The following DHX33 variants were observed in gnomAD, a reference collection of about 807,000 sequenced individuals.
The protein encoded by DHX33 is ATP-dependent RNA helicase DHX33.
In DHX33, 42 loss-of-function variants were observed where a neutral mutation model predicts 72.5. The observed-to-expected ratio is 0.58, with a 90% CI of 0.45 to 0.75. The LOEUF (loss-of-function observed/expected upper bound fraction) is 0.75, where lower values mean the gene tolerates loss of function less well. Ranked by LOEUF, DHX33 falls within the 30% of genes least tolerant of loss-of-function variation. The probability of loss-of-function intolerance (pLI) is 0.00; values close to 1 mark genes in which losing one functional copy is unlikely to be tolerated. For missense variants in DHX33, 842 were observed against 917.5 expected (o/e 0.92, Z 1.06); for synonymous variants, 358 against 366.1 (o/e 0.98, Z 0.25).
In DHX33 at chr17:5,455,281, G is replaced by C; in HGVS notation, c.1036-10C>G. On this transcript the variant is annotated splice_polypyrimidine_tract_variant and intron_variant, in intron 5 of 11. Coordinates refer to ENST00000225296, the MANE Select transcript of DHX33 (RefSeq NM_020162.4). ...TCACTTTGCGATAGCCCTAAAAGGA[G>C]GAAGAAAACCAAAAAGCCGCATTGA... The C allele has an allele frequency of 6.2e-7, 1 of 1,612,066 alleles. No individual in the cohort carries two copies. Among genetic ancestry groups the C allele is most frequent in the Non-Finnish European group, 8.5e-7 (1 of 1,178,360 alleles).
intron 1 of DHX33, among the ~76,000 whole-genome samples, chr17:5,466,451 A>G (rs1904879137): frequency 6.6e-6 from 1 of 152,060 alleles, no homozygotes; most frequent in South Asian, 2.1e-4. Context: ...TTTTTCCTCA[A>G]AACAGAAGCC....
rs766240405 is a variant in DHX33, at chr17:5,456,122, T to C, written c.910A>G (p.Met304Val). 2.5e-6 allele frequency: 4 copies of C among 1,614,144 alleles called. No individual in the cohort carries two copies. Among genetic ancestry groups the C allele is most frequent in the South Asian group, 1.1e-5 (1 of 91,086 alleles). ...FLTGQEEIEA[M>V]SKTCRDIAKH... ...GCAATGTCTCGGCACGTCTTGCTCA[T>C]GGCTTCGATCTCCTCCTGCCCAGTG... Residue 304 changes from methionine (M) to valine (V), a missense_variant, in exon 5 of 12, where the codon ATG becomes GTG. Physicochemically the swap from Met to Val is conservative, Grantham distance 21 (BLOSUM62 1). Transcript: ENST00000225296.
Position 5,441,580 on chromosome 17 carries a change from T to A in DHX33, c.*2625A>T, listed in dbSNP as rs1467050429. ...TTTCTTAAGTTTAAAGTGTACTATC[T>A]CCTGCAGCTCAATATAAACAACGAT... is the stretch of plus-strand genomic sequence containing the variant. On this transcript the variant is annotated 3_prime_UTR_variant, in exon 12 of 12. Transcript: ENST00000225296. 6.6e-6 allele frequency: 1 copy of A among 152,232 alleles called. No individual in the cohort carries two copies. Among genetic ancestry groups the A allele is most frequent in the African/African-American group, 2.4e-5 (1 of 41,452 alleles). 9.4% of individuals were successfully genotyped at this position (152,232 alleles called of 1,614,324 possible).
rs951073330 is a variant in DHX33, at chr17:5,443,305, C to T, written c.*900G>A. 6.6e-6 allele frequency: 1 copy of T among 151,338 alleles called. No homozygotes were observed. Among genetic ancestry groups the T allele is most frequent in the Admixed American group, 6.6e-5 (1 of 15,194 alleles). The allele number at this position is 151,338 out of a possible 1,614,324, so 9.4% of individuals were successfully genotyped here. A position where few individuals can be genotyped will look rare whatever the true frequency, so the allele number is the denominator to read the frequency against. ...ATGGTACACAGTCACTCCTCATGCC[C>T]GCATGTTCACTGGTGCCCAGTTAGA... On this transcript the variant is annotated 3_prime_UTR_variant, in exon 12 of 12. Transcript: ENST00000225296.
chr17:5,456,005 C>A lies in DHX33; in HGVS notation c.1027G>T (p.Ala343Ser). 2 of 1,612,002 alleles carry A rather than the reference C, an allele frequency of 1.2e-6. No individual in the cohort carries two copies. The highest frequency in any genetic ancestry group is 1.1e-5 in the South Asian group (1 of 90,952). Residue 343 changes from alanine to serine, a missense_variant, in exon 5 of 12, where the codon GCC becomes TCC. By Grantham distance (99) the Ala-to-Ser change is moderately conservative. Transcript: ENST00000225296. ...AGAGGTGGTGCACTCACCTTTGGGGCCCCTTGGAAGACTCGGAGCTGCTGT... is the reference window on the plus strand; with the variant it reads ...AGAGGTGGTGCACTCACCTTTGGGGACCCTTGGAAGACTCGGAGCTGCTGT... ...YAQQLRVFQGAPKGYRKVIIS... is the reference protein window; with the variant it reads ...YAQQLRVFQGSPKGYRKVIIS...
intron 11 of DHX33, 143 bp downstream of exon 11, chr17:5,448,666 G>T: frequency 2.0e-6 from 1 of 510,016 alleles, no homozygotes; most frequent in Non-Finnish European, 3.4e-6. Context: ...GTGGAATTGT[G>T]GGTAACTTCC....
intron 1 of DHX33, among the ~76,000 whole-genome samples, chr17:5,465,074 G>C (rs77920133): frequency 6.6e-6 from 1 of 152,194 alleles, no homozygotes; most frequent in South Asian, 2.1e-4. Context: ...TGTCCCTCTC[G>C]TGTACTTGAG....
intron 1 of DHX33, among the ~76,000 whole-genome samples, chr17:5,465,914 C>A (rs1904859563): frequency 6.6e-6 from 1 of 152,200 alleles, no homozygotes; most frequent in African/African-American, 2.4e-5. Flanking sequence ...AGTGCACCAT[C>A]CTTACATCCG....
rs761633646 is a variant in DHX33, at chr17:5,463,696, G to T, written c.290-7C>A. The T allele has an allele frequency of 6.4e-7, 1 of 1,569,368 alleles. No individual in the cohort carries two copies. Among genetic ancestry groups the T allele is most frequent in the Non-Finnish European group, 8.6e-7 (1 of 1,164,284 alleles). On this transcript the variant is annotated splice_region_variant and splice_polypyrimidine_tract_variant and intron_variant, in intron 1 of 11. Transcript: ENST00000225296. ...TTCCCAGAGCCAGTTTCCCCTAGGA[G>T]AGAGGGGGAAAAAAAAAAAAGGCTC...
rs767212022 is a variant in DHX33, at chr17:5,450,870, C to G, written c.1461G>C (p.Gln487His). The G allele has an allele frequency of 1.1e-5, 17 of 1,614,054 alleles. No homozygotes were observed. The East Asian group carries it at 3.3e-4, about 32-fold the overall frequency. Residue 487 changes from glutamine to histidine, a missense_variant, in exon 9 of 12, where the codon CAG becomes CAC. Transcript: ENST00000225296. ...LLGALEHKDD[Q>H]LTLTPMGRKM... ...TTCTTCCCATTGGAGTCAGGGTAAG[C>G]TGGTCATCCTTATGTTCAAGAGCAC...
At chr17:5,453,116 G>A (rs897759699) in intron 8 of DHX33, among the ~76,000 whole-genome samples, 4 of 152,216 alleles carry the variant, frequency 2.6e-5, no homozygotes, top group African/African-American at 4.8e-5. Context: ...CAGTCCCTGT[G>A]CTGATAAAAG....
At position 5,445,943 on chromosome 17, in the gene DHX33, G is replaced by A. The variant is rs146720252; in HGVS notation, c.1816-1430C>T. ...CCTTTATGATGGCTCTAGGGTTTCT[G>A]TTGTTGACAATCAGCTGATCTATGC... On this transcript the variant is annotated intron_variant, in intron 11 of 11. Coordinates refer to ENST00000225296, the MANE Select transcript of DHX33 (RefSeq NM_020162.4). Among the ~76,000 whole-genome samples the A allele has an allele frequency of 9.8e-3, 1,485 of 152,210 alleles. 12 individuals are homozygous for A. The highest frequency in any genetic ancestry group is 0.016 in the Non-Finnish European group (1,102 of 68,010).
At position 5,455,216 on chromosome 17, in the gene DHX33, G is replaced by C. The variant is rs1235562521; in HGVS notation, c.1091C>G (p.Thr364Arg). ...TNIAETSITITGIKYVVDTGM... is the reference protein window; with the variant it reads ...TNIAETSITIRGIKYVVDTGM... ...CGTGTCAACTACATATTTTATTCCT[G>C]TAATGGTTATGGAGGTTTCAGCGAT... Residue 364 changes from threonine to arginine, a missense_variant, in exon 6 of 12, where the codon ACA becomes AGA. Physicochemically the swap from Thr to Arg is moderately conservative, Grantham distance 71. Transcript: ENST00000225296. The C allele has an allele frequency of 6.2e-7, 1 of 1,613,992 alleles. No homozygotes were observed. The highest frequency in any genetic ancestry group is 1.3e-5 in the African/African-American group (1 of 74,898).
chr17:5,450,060 T>A (rs556956572), intron 10 of DHX33, 143 bp downstream of exon 10: 2 of 970,370 alleles, frequency 2.1e-6, no homozygotes, highest in Admixed American at 4.9e-5. Flanking sequence ...TCTGAAATGC[T>A]GTCTGGCTTT....
In DHX33 at chr17:5,450,809, T is replaced by C. The variant is rs1430233642; in HGVS notation, c.1522A>G (p.Lys508Glu). The stretch of plus-strand genomic sequence containing the variant: ...ACTGAGGAGAGGGTATCATTTACTT[T>C]GGCAAATTTGGGTTCTAAAGGAAAT... ...AAFPLEPKFA[K>E]TILMSPKFHC... Residue 508 changes from lysine (K) to glutamate (E), a missense_variant and splice_region_variant, in exon 9 of 12, where the codon AAA (lysine) becomes GAA (glutamate). Lys to Glu is a moderately conservative substitution (Grantham distance 56, BLOSUM62 1). Coordinates refer to ENST00000225296, the MANE Select transcript of DHX33 (RefSeq NM_020162.4). The C allele has an allele frequency of 6.2e-7, 1 of 1,614,228 alleles. No homozygotes were observed.
intron 1 of DHX33, among the ~76,000 whole-genome samples, chr17:5,466,167 C>T (rs924511746): frequency 2.6e-5 from 4 of 152,136 alleles, no homozygotes; most frequent in Admixed American, 6.5e-5. Flanking sequence ...AGAAACTGTA[C>T]TTTTGAGTAC....
chr17:5,461,376 T>C, intron 3 of DHX33: 1 of 214,050 alleles, frequency 4.7e-6, no homozygotes, highest in Non-Finnish European at 9.2e-6. Context: ...CCCCAGCACT[T>C]TGGGAGGCCG....
chr17:5,445,154 T>C lies in DHX33; in HGVS notation c.1816-641A>G, dbSNP rs142765696. Among the ~76,000 whole-genome samples the C allele has an allele frequency of 3.5e-3, 529 of 151,914 alleles. 2 individuals are homozygous for C. The highest frequency in any genetic ancestry group is 0.014 in the Middle Eastern group (4 of 294). ...AGTGCAATGGCGCAATCTCAGCTCATTGCAACCTCCACCTCCCAGGTTCAA... is the reference window on the plus strand; with the variant it reads ...AGTGCAATGGCGCAATCTCAGCTCACTGCAACCTCCACCTCCCAGGTTCAA... On this transcript the variant is annotated intron_variant, in intron 11 of 11. Coordinates refer to ENST00000225296, the MANE Select transcript of DHX33 (RefSeq NM_020162.4).
At chr17:5,451,940 ATAAC>A (rs1485002108) in intron 8 of DHX33, among the ~76,000 whole-genome samples, 36 of 152,352 alleles carry the variant, frequency 2.4e-4, no homozygotes, top group Admixed American at 2.0e-3. Flanking sequence ...TTACTCAAGA[ATAAC>A]TAACATAAAC....
Sources: gnomAD v4.1 joint callset for allele counts (sites outside exome capture counted in the v4.1 genomes callset) on GRCh38, gnomAD v4.1.1 for gene constraint, MANE v1.5 for transcripts, NCBI Gene and HGNC (gene_info 2026-07-23, HGNC 2026-07-21) for gene names.